Variants in CACNB2 observed in about 807,000 individuals in gnomAD.
CACNB2 encodes calcium voltage-gated channel auxiliary subunit beta 2.
A neutral mutation model predicts 73.3 loss-of-function variants in CACNB2; 42 were observed. That is an observed-to-expected ratio of 0.57 (90% CI 0.45 to 0.74). The LOEUF (loss-of-function observed/expected upper bound fraction) is 0.74. CACNB2 is among the 30% of genes least tolerant of loss of function. The pLI, the probability that CACNB2 is intolerant of heterozygous loss-of-function variation, is 0.00. For synonymous variants in CACNB2, 348 were observed against 310.3 expected (o/e 1.12, Z -1.28); for missense variants, 940 against 853.0 (o/e 1.10, Z -1.27).
chr10:18,341,667 G>C (rs968157686), intron 2 of CACNB2, among the ~76,000 whole-genome samples: 2 of 152,072 alleles, frequency 1.3e-5, no homozygotes, highest in African/African-American at 4.8e-5. Flanking sequence ...ACAAATATCT[G>C]TGCTAATAGG....
chr10:18,283,375 A>G (rs9731688), intron 2 of CACNB2, among the ~76,000 whole-genome samples: 121,515 of 152,134 alleles, frequency 0.8, 48,831 homozygotes, highest in East Asian at 0.99. Context: ...GCACAGGTAT[A>G]TTTATTGCAG....
intron 2 of CACNB2, among the ~76,000 whole-genome samples, chr10:18,211,281 C>A (rs2035305780): frequency 6.6e-6 from 1 of 152,148 alleles, no homozygotes; most frequent in Non-Finnish European, 1.5e-5. Context: ...TGACACTAGG[C>A]TTGGACATTG....
At chr10:18,536,872 C>T (rs1303798140) in intron 12 of CACNB2, among the ~76,000 whole-genome samples, 3 of 152,234 alleles carry the variant, frequency 2.0e-5, no homozygotes, top group African/African-American at 7.2e-5. Context: ...CTCTTAATAA[C>T]TGTCTGAGAC....
intron 2 of CACNB2, among the ~76,000 whole-genome samples, chr10:18,290,710 TCA>T (rs1452180606): frequency 6.6e-6 from 1 of 152,242 alleles, no homozygotes; most frequent in Non-Finnish European, 1.5e-5. Flanking sequence ...CCAGAATGCT[TCA>T]CTCCGGTGAA....
At position 18,514,626 on chromosome 10, in the gene CACNB2, A is replaced by C. The variant is rs528299819; in HGVS notation, c.804+257A>C. The C allele has an allele frequency of 1.3e-5, 19 of 1,440,152 alleles. No individual in the cohort carries two copies. The African/African-American group carries it at 2.5e-4, about 19-fold the overall frequency. 89.2% of individuals were successfully genotyped at this position (1,440,152 alleles called of 1,614,324 possible). The stretch of plus-strand genomic sequence containing the variant: ...ATTAAATACAATCATTTCTGTCCCA[A>C]GCAAAGAACCTATCAACAGCTAATT... On this transcript the variant is annotated intron_variant, in intron 7 of 13. Coordinates refer to ENST00000324631, the MANE Select transcript of CACNB2 (RefSeq NM_201596.3).
At chr10:18,249,134 G>C (rs1364006067) in intron 2 of CACNB2, among the ~76,000 whole-genome samples, 1 of 152,082 alleles carries the variant, frequency 6.6e-6, no homozygotes, top group Non-Finnish European at 1.5e-5. Flanking sequence ...AATTTCATCT[G>C]AGAAAATAGC....
chr10:18,203,027 A>C (rs1277757), intron 2 of CACNB2, among the ~76,000 whole-genome samples: 132,212 of 152,188 alleles, frequency 0.87, 57,623 homozygotes, highest in Non-Finnish European at 0.9. Flanking sequence ...ATGCTTTAAG[A>C]TTCTGTCACT....
intron 3 of CACNB2, among the ~76,000 whole-genome samples, chr10:18,455,854 A>C (rs1341967759): frequency 6.6e-6 from 1 of 152,152 alleles, no homozygotes; most frequent in African/African-American, 2.4e-5. Context: ...TCATTAGCTG[A>C]GTAGAATTGA....
intron 3 of CACNB2, among the ~76,000 whole-genome samples, chr10:18,437,896 T>C (rs2046216073): frequency 6.6e-6 from 1 of 151,466 alleles, no homozygotes; most frequent in Non-Finnish European, 1.5e-5. Context: ...ACATAGAACA[T>C]GGAAATGTAT....
intron 2 of CACNB2, among the ~76,000 whole-genome samples, chr10:18,169,958 C>G (rs972497945): frequency 6.6e-6 from 1 of 152,188 alleles, no homozygotes. Context: ...TCTCTGGCCT[C>G]TACTGTCTTC....
At chr10:18,227,507 A>G (rs1281355087) in intron 2 of CACNB2, among the ~76,000 whole-genome samples, 2 of 152,254 alleles carry the variant, frequency 1.3e-5, no homozygotes, top group African/African-American at 4.8e-5. Context: ...GTAGTGTTCC[A>G]TGAAAGGCAC....
chr10:18,513,311 T>C (rs79639388), intron 6 of CACNB2: 1 of 161,374 alleles, frequency 6.2e-6, no homozygotes, highest in Admixed American at 6.3e-5. Flanking sequence ...CACCTACTTA[T>C]TGAGTTTTTT....
chr10:18,521,153 C>G (rs1382180349), intron 9 of CACNB2, among the ~76,000 whole-genome samples: 1 of 152,126 alleles, frequency 6.6e-6, no homozygotes, highest in Non-Finnish European at 1.5e-5. Flanking sequence ...CTCATGGAAA[C>G]CATAAATTGA....
At chr10:18,188,198 T>G (rs1241046338) in intron 2 of CACNB2, among the ~76,000 whole-genome samples, 7 of 151,980 alleles carry the variant, frequency 4.6e-5, no homozygotes. Context: ...TCTCCTTCCT[T>G]CCTGCCTTCC....
At chr10:18,440,963 C>T (rs1296241022) in intron 3 of CACNB2, among the ~76,000 whole-genome samples, 3 of 152,206 alleles carry the variant, frequency 2.0e-5, no homozygotes, top group Non-Finnish European at 1.5e-5. Flanking sequence ...TTGATATAAA[C>T]TTCAAATCTT....
intron 5 of CACNB2, 56 bp downstream of exon 5, chr10:18,501,004 T>C (rs1209379018): frequency 1.3e-6 from 2 of 1,494,732 alleles, no homozygotes; most frequent in Non-Finnish European, 1.9e-6. Context: ...ACTATCTGTG[T>C]ACTGTTGTCT....
At chr10:18,178,404 C>G (rs896056566) in intron 2 of CACNB2, among the ~76,000 whole-genome samples, 6 of 152,158 alleles carry the variant, frequency 3.9e-5, no homozygotes, top group Admixed American at 3.3e-4. Context: ...GATTAAATAT[C>G]TGAATTGTGC....
At position 18,164,109 on chromosome 10, in the gene CACNB2, G is replaced by T. The variant is rs543613187; in HGVS notation, c.213+13134G>T. On this transcript the variant is annotated intron_variant, in intron 2 of 13. Coordinates refer to ENST00000324631, the MANE Select transcript of CACNB2 (RefSeq NM_201596.3). ...GTTTTGCAGTTTTAAAAAGATCTTT[G>T]TAAACTTTTACGACAGATAAAATAC... Among the ~76,000 whole-genome samples the T allele has an allele frequency of 5.9e-5, 9 of 152,290 alleles. No homozygotes were observed. In the South Asian group the frequency reaches 1.5e-3, roughly 25 times the overall value.
intron 2 of CACNB2, among the ~76,000 whole-genome samples, chr10:18,157,010 T>C (rs2032099786): frequency 6.6e-6 from 1 of 150,394 alleles, no homozygotes; most frequent in South Asian, 2.1e-4. Context: ...GCCATTGCAC[T>C]CAGATTGCGC....
Sources: allele counts gnomAD v4.1 joint callset (sites outside exome capture counted in the v4.1 genomes callset), GRCh38; gene constraint gnomAD v4.1.1; transcripts MANE v1.5; gene names NCBI Gene and HGNC (gene_info 2026-07-23, HGNC 2026-07-21).